Variants in FMN1 observed in about 807,000 individuals in gnomAD.
FMN1 encodes formin 1.
Under a neutral mutation model 132.4 loss-of-function variants are expected in FMN1, and 110 were observed. That is an observed-to-expected ratio of 0.83 (90% CI 0.71 to 0.97). The LOEUF (loss-of-function observed/expected upper bound fraction) is 0.97, where lower values mean the gene tolerates loss of function less well. Ranked by LOEUF, FMN1 falls within the 50% of genes least tolerant of loss-of-function variation. FMN1 has a pLI of 0.00. For missense variants in FMN1, 1,792 were observed against 1,705.3 expected, an observed-to-expected ratio of 1.05 and a Z score of -0.90; for synonymous variants, 722 against 651.7, an observed-to-expected ratio of 1.11 and a Z score of -1.64.
chr15:33,079,491 C>T (rs1367355550), intron 5 of FMN1, among the ~76,000 whole-genome samples: 2 of 152,194 alleles, frequency 1.3e-5, no homozygotes, highest in Non-Finnish European at 2.9e-5. Flanking sequence ...GGCATGGTGG[C>T]ACCTGCCTGT....
At chr15:32,852,773 T>C (rs1045323853) in intron 17 of FMN1, among the ~76,000 whole-genome samples, 2 of 152,152 alleles carry the variant, frequency 1.3e-5, no homozygotes, top group African/African-American at 4.8e-5. Context: ...ACCAAAACAA[T>C]GCAAACAAAT....
intron 5 of FMN1, among the ~76,000 whole-genome samples, chr15:33,082,017 A>G (rs909571755): frequency 2.7e-5 from 3 of 113,072 alleles, no homozygotes; most frequent in African/African-American, 1.3e-4. Context: ...AGAAGAGTTC[A>G]GGGGTGTGTG....
chr15:33,147,478 G>A (rs1292211702), intron 4 of FMN1, among the ~76,000 whole-genome samples: 3 of 152,194 alleles, frequency 2.0e-5, no homozygotes, highest in African/African-American at 7.2e-5. Context: ...GGAAGGCTGT[G>A]CATATAGCCA....
chr15:33,123,669 A>G (rs1454858090), intron 4 of FMN1, among the ~76,000 whole-genome samples: 2 of 152,202 alleles, frequency 1.3e-5, no homozygotes, highest in Admixed American at 6.5e-5. Context: ...TTTAACACAG[A>G]TTAAGTTTTC....
intron 7 of FMN1, among the ~76,000 whole-genome samples, chr15:32,993,293 C>G (rs1199977748): frequency 2.0e-5 from 3 of 152,172 alleles, no homozygotes; most frequent in Non-Finnish European, 4.4e-5. Flanking sequence ...AACTTATAAA[C>G]TTCATTTAGC....
intron 4 of FMN1, chr15:33,106,277 CA>C (rs1212413235): frequency 2.2e-4 from 4 of 18,552 alleles, no homozygotes; most frequent in African/African-American, 7.6e-4. Flanking sequence ...CCAGAATCCA[CA>C]CACACACACA....
At chr15:32,906,920 G>A (rs2060439597) in intron 12 of FMN1, among the ~76,000 whole-genome samples, 2 of 152,132 alleles carry the variant, frequency 1.3e-5, no homozygotes, top group Non-Finnish European at 1.5e-5. Context: ...AGTCATCCAA[G>A]GTTCCCAGAA....
intron 9 of FMN1, among the ~76,000 whole-genome samples, chr15:32,948,297 T>G (rs1032888825): frequency 6.6e-6 from 1 of 152,020 alleles, no homozygotes; most frequent in Non-Finnish European, 1.5e-5. Flanking sequence ...CAAACATTTT[T>G]TTATATATTT....
intron 7 of FMN1, among the ~76,000 whole-genome samples, chr15:32,993,033 T>C (rs2033536376): frequency 6.6e-6 from 1 of 152,204 alleles, no homozygotes; most frequent in African/African-American, 2.4e-5. Context: ...ACAATTCTAA[T>C]TGGAAAAGAG....
chr15:32,788,240 G>A (rs532746477), intron 19 of FMN1, among the ~76,000 whole-genome samples: 2 of 152,198 alleles, frequency 1.3e-5, no homozygotes, highest in Admixed American at 6.5e-5. Flanking sequence ...GAGCCGACCC[G>A]GCGATTTAGG....
chr15:32,888,137 A>T (rs1022749022), intron 16 of FMN1, 35 bp downstream of exon 16: 5 of 1,543,772 alleles, frequency 3.2e-6, no homozygotes, highest in Non-Finnish European at 3.5e-6. Context: ...AAGTAATCTT[A>T]GCTATTATCA....
At chr15:32,987,838 C>T (rs2033166288) in intron 7 of FMN1, among the ~76,000 whole-genome samples, 1 of 152,070 alleles carries the variant, frequency 6.6e-6, no homozygotes. Context: ...ACTTGGAGCT[C>T]ATAAAAGGGG....
rs534977052 is a variant in FMN1, at chr15:32,766,277, G to A, written c.*8033C>T. 6.6e-6 allele frequency: 1 copy of A among 152,338 alleles called. No homozygotes were observed. Among genetic ancestry groups the A allele is most frequent in the East Asian group, 1.9e-4 (1 of 5,186 alleles). The allele number at this position is 152,338 out of a possible 1,614,324, so 9.4% of individuals were successfully genotyped here. ...CAAGAAGTGTCAACATCCTGATTCA[G>A]AACAGGGGTAGATGTTTGAATCATG... On this transcript the variant is annotated 3_prime_UTR_variant, in exon 21 of 21. Coordinates refer to ENST00000616417, the MANE Select transcript of FMN1 (RefSeq NM_001277313.2).
At chr15:33,104,090 G>C (rs1179906202) in intron 4 of FMN1, among the ~76,000 whole-genome samples, 1 of 152,042 alleles carries the variant, frequency 6.6e-6, no homozygotes. Context: ...TCATATATTT[G>C]TCAGCTGAAA....
intron 2 of FMN1, among the ~76,000 whole-genome samples, chr15:33,191,649 T>C (rs534239999): frequency 1.3e-5 from 2 of 152,364 alleles, no homozygotes; most frequent in South Asian, 4.1e-4. Flanking sequence ...CTCAGACCCT[T>C]GCTTTTATGC....
chr15:33,188,583 G>A (rs1421771022), intron 2 of FMN1, among the ~76,000 whole-genome samples: 1 of 152,034 alleles, frequency 6.6e-6, no homozygotes, highest in Non-Finnish European at 1.5e-5. Context: ...CCAAGTTTGT[G>A]ACTATGATAT....
chr15:32,792,722 C>T (rs532724149), intron 19 of FMN1, among the ~76,000 whole-genome samples: 29 of 152,242 alleles, frequency 1.9e-4, no homozygotes, highest in Admixed American at 8.5e-4. Flanking sequence ...GTGCACCTTC[C>T]AGCTCATGCT....
At chr15:32,975,551 G>A (rs772360635) in intron 7 of FMN1, among the ~76,000 whole-genome samples, 1 of 152,128 alleles carries the variant, frequency 6.6e-6, no homozygotes, top group Non-Finnish European at 1.5e-5. Flanking sequence ...ACTGAAACTA[G>A]AGCAGACATA....
chr15:32,829,858 G>C (rs1337150605), intron 17 of FMN1, among the ~76,000 whole-genome samples: 1 of 152,130 alleles, frequency 6.6e-6, no homozygotes, highest in African/African-American at 2.4e-5. Context: ...TCAGTAGTGG[G>C]AAGGGAGACA....
Sources: allele counts gnomAD v4.1 joint callset (sites outside exome capture counted in the v4.1 genomes callset), GRCh38; gene constraint gnomAD v4.1.1; transcripts MANE v1.5; gene names NCBI Gene and HGNC (gene_info 2026-07-23, HGNC 2026-07-21).